MAP7: variants seen among roughly 807,000 people sequenced by gnomAD.
The protein encoded by MAP7 is ensconsin.
Under a neutral mutation model 94.8 loss-of-function variants are expected in MAP7, and 52 were observed. The observed-to-expected ratio is 0.55, with a 90% CI of 0.44 to 0.69. The LOEUF is 0.69. Ranked by LOEUF, MAP7 falls within the 30% of genes least tolerant of loss-of-function variation. MAP7 has a pLI of 0.00. For synonymous variants in MAP7, 350 were observed against 357.0 expected, an observed-to-expected ratio of 0.98 and a Z score of 0.22; for missense variants, 940 against 964.6, an observed-to-expected ratio of 0.97 and a Z score of 0.34.
intron 3 of MAP7, among the ~76,000 whole-genome samples, chr6:136,391,555 A>AAACAACAACAAC (rs58864802): frequency 8.5e-4 from 128 of 149,750 alleles, no homozygotes; most frequent in African/African-American, 3.0e-3. Context: ...GTATAATAAA[A>AAACAACAACAAC]AACAACAACA....
At chr6:136,455,379 A>C (rs1802578957) in intron 1 of MAP7, among the ~76,000 whole-genome samples, 1 of 152,190 alleles carries the variant, frequency 6.6e-6, no homozygotes. Context: ...AACACAATAC[A>C]ATAGTAGGAG....
At chr6:136,489,744 G>A (rs1448726602) in intron 1 of MAP7, among the ~76,000 whole-genome samples, 1 of 151,948 alleles carries the variant, frequency 6.6e-6, no homozygotes, top group Non-Finnish European at 1.5e-5. Flanking sequence ...GGCCGGGCTG[G>A]TCTTGAACTC....
intron 3 of MAP7, among the ~76,000 whole-genome samples, chr6:136,402,830 T>C (rs925097451): frequency 3.9e-5 from 5 of 129,300 alleles, no homozygotes; most frequent in South Asian, 2.4e-4. Context: ...GGCGTGAACC[T>C]GGGAGGCGGA....
chr6:136,356,778 T>C lies in MAP7; in HGVS notation c.1929A>G (p.Pro643=), dbSNP rs1389289990. 2 of 1,613,976 alleles carry C rather than the reference T, an allele frequency of 1.2e-6. No individual in the cohort carries two copies. The highest frequency in any genetic ancestry group is 1.3e-5 in the African/African-American group (1 of 74,930). The change falls in exon 16 of 18, where the codon CCA becomes CCG. Residue 643 remains proline, a synonymous_variant. Transcript: ENST00000354570. ...LTGGTEVSAL[P]CTTNAPGNGK... Reference sequence around the variant, plus strand: ...CATTTCCCGGAGCGTTTGTTGTACATGGAAGTGCAGACACCTCTGGGCATA... The same window carrying C: ...CATTTCCCGGAGCGTTTGTTGTACACGGAAGTGCAGACACCTCTGGGCATA...
At chr6:136,344,603 C>G (rs1787176372) in intron 17 of MAP7, among the ~76,000 whole-genome samples, 1 of 152,172 alleles carries the variant, frequency 6.6e-6, no homozygotes, top group African/African-American at 2.4e-5. Flanking sequence ...GATAAATCAT[C>G]TGGAAGTTCT....
chr6:136,526,017 T>A, intron 1 of MAP7: 1 of 1,474,190 alleles, frequency 6.8e-7, no homozygotes, highest in Non-Finnish European at 8.9e-7. Flanking sequence ...TAAAAATATA[T>A]GCTTATGTAA....
At chr6:136,508,528 G>C (rs1822270104) in intron 1 of MAP7, among the ~76,000 whole-genome samples, 1 of 152,100 alleles carries the variant, frequency 6.6e-6, no homozygotes, top group Non-Finnish European at 1.5e-5. Context: ...AATACTTTTT[G>C]TGAGCCTAAC....
chr6:136,392,825 C>A (rs142462138), intron 3 of MAP7, among the ~76,000 whole-genome samples: 91 of 152,254 alleles, frequency 6.0e-4, no homozygotes, highest in Middle Eastern at 3.4e-3. Flanking sequence ...TAACTTTTAG[C>A]CTTCAAACTA....
At chr6:136,431,825 T>G (rs1409874341) in intron 1 of MAP7, among the ~76,000 whole-genome samples, 2 of 152,150 alleles carry the variant, frequency 1.3e-5, no homozygotes, top group Non-Finnish European at 2.9e-5. Context: ...GCCTTGATGC[T>G]TCTTTTCTAA....
chr6:136,475,716 T>G (rs187438565), intron 1 of MAP7: 7 of 152,006 alleles, frequency 4.6e-5, no homozygotes, highest in African/African-American at 1.7e-4. Context: ...GGTTTACTTT[T>G]TATTTTTTTT....
chr6:136,520,218 G>A (rs986163732), intron 1 of MAP7, among the ~76,000 whole-genome samples: 8 of 150,784 alleles, frequency 5.3e-5, no homozygotes, highest in Non-Finnish European at 8.9e-5. Flanking sequence ...AAAAAAAAAG[G>A]GGGGAGGAGC....
chr6:136,424,499 T>G (rs1792535835), intron 1 of MAP7, among the ~76,000 whole-genome samples: 1 of 152,174 alleles, frequency 6.6e-6, no homozygotes. Context: ...AGCACCCTGG[T>G]GGTCTGGGAC....
intron 1 of MAP7, among the ~76,000 whole-genome samples, chr6:136,511,186 C>T (rs1583105079): frequency 1.3e-5 from 2 of 152,166 alleles, no homozygotes; most frequent in African/African-American, 2.4e-5. Flanking sequence ...TGGAGTTCCA[C>T]TCAAAATTCA....
At chr6:136,450,768 G>A (rs1461987524) in intron 1 of MAP7, among the ~76,000 whole-genome samples, 4 of 150,906 alleles carry the variant, frequency 2.7e-5, no homozygotes, top group African/African-American at 9.8e-5. Flanking sequence ...TGGGCAACAA[G>A]AGCAAAACTC....
At chr6:136,431,559 C>T (rs1395667653) in intron 1 of MAP7, among the ~76,000 whole-genome samples, 2 of 150,268 alleles carry the variant, frequency 1.3e-5, no homozygotes, top group East Asian at 3.9e-4. Context: ...GCTATGTCAC[C>T]CAGGCTGGAG....
At chr6:136,540,561 T>C (rs1007229733) in intron 1 of MAP7, among the ~76,000 whole-genome samples, 2 of 152,228 alleles carry the variant, frequency 1.3e-5, no homozygotes, top group African/African-American at 4.8e-5. Flanking sequence ...TTCACATCTA[T>C]ATTTCCTTCA....
rs796568330 is a variant in MAP7 at position 136,505,271 on chromosome 6, GTGTGTGTA to G, written c.67+45063_67+45070del. 2.4e-3 allele frequency among the ~76,000 whole-genome samples: 229 copies of G among 95,380 alleles called. 2 individuals are homozygous for G. Among genetic ancestry groups the G allele is most frequent in the South Asian group, 6.4e-3 (19 of 2,990 alleles). The allele number at this position is 95,380 out of a possible 152,430, so 62.6% of individuals were successfully genotyped here. ...ATGTAATGTGTGTGTGTGTGTGTGT[GTGTGTGTA>G]TATATATATATATATATATATATAT... On this transcript the variant is annotated intron_variant, in intron 1 of 17. Coordinates refer to ENST00000354570, the MANE Select transcript of MAP7 (RefSeq NM_003980.6).
chr6:136,544,960 C>A (rs1380166462), intron 1 of MAP7, among the ~76,000 whole-genome samples: 1 of 152,156 alleles, frequency 6.6e-6, no homozygotes, highest in Non-Finnish European at 1.5e-5. Context: ...AAAACAGGTC[C>A]TCCTCATGAA....
At chr6:136,452,285 A>G (rs1178336743) in intron 1 of MAP7, among the ~76,000 whole-genome samples, 1 of 152,220 alleles carries the variant, frequency 6.6e-6, no homozygotes, top group East Asian at 1.9e-4. Context: ...AACAAAGAAA[A>G]TGGTTTCTTA....
Sources: gnomAD v4.1 joint callset for allele counts (sites outside exome capture counted in the v4.1 genomes callset) on GRCh38, gnomAD v4.1.1 for gene constraint, MANE v1.5 for transcripts, NCBI Gene and HGNC (gene_info 2026-07-23, HGNC 2026-07-21) for gene names.